The following DAB1 variants were observed in gnomAD, a reference collection of about 807,000 sequenced individuals.
DAB1 encodes DAB adaptor protein 1.
Under a neutral mutation model 64.6 loss-of-function variants are expected in DAB1, and 15 were observed. The ratio of observed to expected loss-of-function variants is 0.23; its 90% CI spans 0.16 to 0.36. The LOEUF is 0.36. Ranked by LOEUF, DAB1 falls within the 10% of genes least tolerant of loss-of-function variation. DAB1 has a pLI of 1.00. For missense variants in DAB1, 596 were observed against 706.7 expected (o/e 0.84, Z 1.78); for synonymous variants, 235 against 251.9 (o/e 0.93, Z 0.64).
At chr1:57,550,640 T>C (rs910079897) in intron 7 of DAB1, among the ~76,000 whole-genome samples, 1 of 152,054 alleles carries the variant, frequency 6.6e-6, no homozygotes, top group Admixed American at 6.6e-5. Flanking sequence ...CTTTACCATA[T>C]ATCTTCTTTT....
chr1:57,528,643 C>CAT (rs1344170814), intron 7 of DAB1, among the ~76,000 whole-genome samples: 1 of 96,162 alleles, frequency 1.0e-5, no homozygotes, highest in Non-Finnish European at 2.6e-5. Flanking sequence ...GCAGGACACA[C>CAT]ACACACACAC....
intron 1 of DAB1, among the ~76,000 whole-genome samples, chr1:57,832,202 G>A: frequency 6.6e-6 from 1 of 152,162 alleles, no homozygotes; most frequent in South Asian, 2.1e-4. Context: ...TGGCATCTGA[G>A]CTGATGTCTG....
Position 57,980,053 on chromosome 1 carries a change from C to T in DAB1, n.388-95891G>A, listed in dbSNP as rs143230098. Among the ~76,000 whole-genome samples, 1,327 of 152,230 alleles carry T rather than the reference C, an allele frequency of 8.7e-3. 16 individuals carry two copies. The highest frequency in any genetic ancestry group is 0.03 in the African/African-American group (1,258 of 41,540). ...TATTTACTCAGAGTCATCATCTAAC[C>T]AATACATATCAGATCAAGGCACTCT... On this transcript the variant is annotated intron_variant and non_coding_transcript_variant, in intron 5 of 20. Transcript: ENST00000485760.
chr1:57,273,718 C>T (rs1429696319), intron 2 of DAB1, among the ~76,000 whole-genome samples: 9 of 149,756 alleles, frequency 6.0e-5, no homozygotes, highest in African/African-American at 2.0e-4. Context: ...GGCTGCTTCC[C>T]TATTTTTCCT....
At chr1:57,663,269 G>C (rs927802686) in intron 6 of DAB1, among the ~76,000 whole-genome samples, 2 of 152,122 alleles carry the variant, frequency 1.3e-5, no homozygotes, top group South Asian at 4.1e-4. Context: ...AACAGTGAGG[G>C]GGAAGTCCAC....
chr1:58,142,361 G>C (rs1407202624), intron 5 of DAB1, among the ~76,000 whole-genome samples: 1 of 152,160 alleles, frequency 6.6e-6, no homozygotes, highest in Non-Finnish European at 1.5e-5. Context: ...TTAAAAAGAG[G>C]GTTTCCAGAT....
intron 14 of DAB1, among the ~76,000 whole-genome samples, chr1:57,008,828 AT>A (rs1646176995): frequency 6.6e-6 from 1 of 152,164 alleles, no homozygotes; most frequent in African/African-American, 2.4e-5. Context: ...CAAGACTCAA[AT>A]TTTGGTTCTT....
At chr1:57,965,557 T>C (rs530364950) in intron 5 of DAB1, among the ~76,000 whole-genome samples, 4 of 152,304 alleles carry the variant, frequency 2.6e-5, no homozygotes, top group Non-Finnish European at 5.9e-5. Flanking sequence ...GGTTATTGAT[T>C]ATGATTTCCA....
intron 7 of DAB1, among the ~76,000 whole-genome samples, chr1:57,626,818 T>C (rs970165118): frequency 2.0e-5 from 3 of 152,108 alleles, no homozygotes; most frequent in Non-Finnish European, 4.4e-5. Flanking sequence ...TTATGAGGAC[T>C]CTGTCCTCAT....
chr1:58,168,630 T>G (rs557812205), intron 4 of DAB1, among the ~76,000 whole-genome samples: 13 of 152,126 alleles, frequency 8.5e-5, no homozygotes, highest in Admixed American at 8.5e-4. Context: ...TAGGGGAGAC[T>G]ACCTGGAATT....
rs1270007031 is a variant in DAB1 at position 57,606,599 on chromosome 1, T to TATGAAA, written n.625+42992_625+42993insTTTCAT. 9.5e-5 allele frequency among the ~76,000 whole-genome samples: 11 copies of TATGAAA among 116,242 alleles called. No individual in the cohort carries two copies. In the East Asian group the frequency reaches 2.5e-3, roughly 26 times the overall value. 76.3% of individuals were successfully genotyped at this position (116,242 alleles called of 152,430 possible). On this transcript the variant is annotated intron_variant and non_coding_transcript_variant, in intron 7 of 20. Coordinates refer to the DAB1 transcript ENST00000485760. ...AATATATAATATAATATATTATATA[T>TATGAAA]TATATATATGAAATATATAATATAT...
chr1:57,655,755 G>T (rs1366240960), intron 6 of DAB1, among the ~76,000 whole-genome samples: 1 of 152,162 alleles, frequency 6.6e-6, no homozygotes, highest in Non-Finnish European at 1.5e-5. Context: ...GGAACAAAAA[G>T]TAACTTTTGT....
At chr1:58,301,236 G>T (rs375682311) in intron 4 of DAB1, among the ~76,000 whole-genome samples, 2 of 141,870 alleles carry the variant, frequency 1.4e-5, no homozygotes, top group Non-Finnish European at 3.1e-5. Context: ...GGGTGGAGAG[G>T]GGGGGGTCAT....
intron 3 of DAB1, among the ~76,000 whole-genome samples, chr1:58,471,992 G>A (rs934199248): frequency 1.3e-5 from 2 of 152,146 alleles, no homozygotes; most frequent in Admixed American, 1.3e-4. Context: ...GTGCAAAATT[G>A]GATAATATAT....
At chr1:57,901,184 ACCTT>A (rs1369622629) in intron 5 of DAB1, among the ~76,000 whole-genome samples, 5 of 151,974 alleles carry the variant, frequency 3.3e-5, no homozygotes, top group Non-Finnish European at 7.4e-5. Context: ...CTATTAAATG[ACCTT>A]CCTTCTTGCT....
chr1:57,463,303 T>C (rs1183323483), intron 7 of DAB1, among the ~76,000 whole-genome samples: 3 of 152,196 alleles, frequency 2.0e-5, no homozygotes, highest in Admixed American at 6.5e-5. Context: ...ACCAAGGTTA[T>C]TGCTATGTTT....
intron 2 of DAB1, among the ~76,000 whole-genome samples, chr1:57,219,205 G>T (rs1666670093): frequency 6.6e-6 from 1 of 151,552 alleles, no homozygotes; most frequent in Admixed American, 6.6e-5. Context: ...TACTAATCAA[G>T]AATAGTTTTT....
Position 58,157,550 on chromosome 1 carries a change from C to G in DAB1, n.310-6962G>C, listed in dbSNP as rs116087332. On this transcript the variant is annotated intron_variant and non_coding_transcript_variant, in intron 4 of 20. Coordinates refer to the DAB1 transcript ENST00000485760. ...TGGCTGGTCCCAAGAGGCATGGGAA[C>G]AGGCACCACGATGCCTTGTTTAAGT... Among the ~76,000 whole-genome samples, 363 of 152,268 alleles carry G rather than the reference C, an allele frequency of 2.4e-3. 1 individual carries two copies. Among genetic ancestry groups the G allele is most frequent in the African/African-American group, 7.5e-3 (313 of 41,556 alleles).
At chr1:57,132,205 A>G (rs1657703411) in intron 4 of DAB1, among the ~76,000 whole-genome samples, 2 of 152,096 alleles carry the variant, frequency 1.3e-5, no homozygotes, top group African/African-American at 2.4e-5. Context: ...AATGACTCAC[A>G]CATAGCTGGT....
Sources: allele counts gnomAD v4.1 joint callset (sites outside exome capture counted in the v4.1 genomes callset), GRCh38; gene constraint gnomAD v4.1.1; transcripts MANE v1.5; gene names NCBI Gene and HGNC (gene_info 2026-07-23, HGNC 2026-07-21).